Variants in CHMP2A observed in about 807,000 individuals in gnomAD.
The protein encoded by CHMP2A is charged multivesicular body protein 2A, also known as VPS2 homolog A.
CHMP2A carries 6 observed loss-of-function variants against 21.8 expected under a neutral mutation model. That is an observed-to-expected ratio of 0.28 (90% CI 0.15 to 0.54). The LOEUF (loss-of-function observed/expected upper bound fraction) is 0.54, where lower values mean the gene tolerates loss of function less well. CHMP2A is among the 20% of genes least tolerant of loss of function. The pLI is 0.95. For missense variants in CHMP2A, 303 were observed against 293.9 expected, an observed-to-expected ratio of 1.03 and a Z score of -0.23; for synonymous variants, 125 against 107.0, an observed-to-expected ratio of 1.17 and a Z score of -1.04.
chr19:58,554,479 A>G, intron 1 of CHMP2A: 2 of 465,950 alleles, frequency 4.3e-6, no homozygotes, highest in South Asian at 2.9e-5. Context: ...GCCATGCCCC[A>G]AAAGAAGTTA....
rs1273522790 is a variant in CHMP2A, at chr19:58,552,263, CTGTT to C, written c.340_343del (p.Asn114AspfsTer3). On this transcript the variant is annotated frameshift_variant, in exon 3 of 6. Coordinates refer to ENST00000312547, the MANE Select transcript of CHMP2A (RefSeq NM_014453.4). LOFTEE classifies it high-confidence loss of function. ...GGGGGATTGGGAAAAGCGCACCTGT[CTGTT>C]CATGGTGCCCATGGCCTTGGTGACA... 6 of 1,614,214 alleles carry C rather than the reference CTGTT, an allele frequency of 3.7e-6. No homozygotes were observed. The highest frequency in any genetic ancestry group is 4.2e-6 in the Non-Finnish European group (5 of 1,180,040).
Position 58,552,317 on chromosome 19 carries a change from T to G in CHMP2A, c.290A>C (p.Asn97Thr). ...SLKIQTLKSNNSMAQAMKGVT... is the reference protein window; with the variant it reads ...SLKIQTLKSNTSMAQAMKGVT... ...ACCCTTCATGGCTTGTGCCATCGAG[T>G]TGTTGGACTTGAGTGTCTGGATCTT... The change falls in exon 3 of 6, where the codon AAC becomes ACC. Residue 97 changes from asparagine to threonine, a missense_variant. Coordinates refer to ENST00000312547, the MANE Select transcript of CHMP2A (RefSeq NM_014453.4). The G allele has an allele frequency of 6.2e-7, 1 of 1,614,114 alleles. No individual in the cohort carries two copies. The highest frequency in any genetic ancestry group is 8.5e-7 in the Non-Finnish European group (1 of 1,180,026).
chr19:58,553,007 G>A (rs1373133782), intron 2 of CHMP2A, among the ~76,000 whole-genome samples: 4 of 151,314 alleles, frequency 2.6e-5, no homozygotes, highest in South Asian at 2.1e-4. Context: ...TCTCCCTACT[G>A]GTTCCGGCTG....
rs1600088916 is a variant in CHMP2A at position 58,553,920 on chromosome 19, C to G, written c.168+125G>C. 2.4e-6 allele frequency: 3 copies of G among 1,263,536 alleles called. No homozygotes were observed. In the East Asian group the frequency reaches 6.9e-5, roughly 29 times the overall value. The allele number at this position is 1,263,536 out of a possible 1,614,324, so 78.3% of individuals were successfully genotyped here. On this transcript the variant is annotated intron_variant, in intron 2 of 5. Coordinates refer to ENST00000312547, the MANE Select transcript of CHMP2A (RefSeq NM_014453.4). ...CTTCCAGACCCTCAAACTAGGGAAG[C>G]CCTGCTGACCTTTCACTCCACTCGT...
intron 2 of CHMP2A, 148 bp from the exon 3 acceptor site, chr19:58,552,586 G>A (rs1208117783): frequency 2.6e-6 from 2 of 762,310 alleles, no homozygotes; most frequent in Non-Finnish European, 4.2e-6. Flanking sequence ...AATGGTCACT[G>A]GTCCCTCCCT....
Position 58,551,644 on chromosome 19 carries a change from G to T in CHMP2A, c.*5C>A, listed in dbSNP as rs1462016348. The T allele has an allele frequency of 6.2e-7, 1 of 1,613,110 alleles. No homozygotes were observed. Among genetic ancestry groups the T allele is most frequent in the African/African-American group, 1.3e-5 (1 of 75,000 alleles). On this transcript the variant is annotated 3_prime_UTR_variant, in exon 6 of 6. Coordinates refer to ENST00000312547, the MANE Select transcript of CHMP2A (RefSeq NM_014453.4). The stretch of plus-strand genomic sequence containing the variant: ...CCACTGGTTATCTCGGAGTGGCAGG[G>T]GCACTCAGTCCCTCCGCAGGTTCTT...
At chr19:58,553,974 T>C in intron 2 of CHMP2A, 71 bp downstream of exon 2, 3 of 1,580,724 alleles carry the variant, frequency 1.9e-6, no homozygotes, top group Middle Eastern at 3.3e-4. Flanking sequence ...GTTTGGTGTC[T>C]GGTCTCTCTT....
intron 1 of CHMP2A, chr19:58,554,497 C>G (rs2053869975): frequency 2.3e-6 from 1 of 428,194 alleles, no homozygotes; most frequent in Admixed American, 4.2e-5. Context: ...TTATGGCTTG[C>G]AAGTTCAGCT....
intron 2 of CHMP2A, 124 bp downstream of exon 2, chr19:58,553,921 C>T: frequency 4.7e-6 from 6 of 1,275,092 alleles, no homozygotes; most frequent in Non-Finnish European, 5.6e-6. Flanking sequence ...CTAGGGAAGC[C>T]CTGCTGACCT....
chr19:58,552,369 G>A lies in CHMP2A; in HGVS notation c.238C>T (p.Arg80Trp), dbSNP rs146786448. 5.0e-6 allele frequency: 8 copies of A among 1,614,188 alleles called. No individual in the cohort carries two copies. The highest frequency in any genetic ancestry group is 1.7e-5 in the Admixed American group (1 of 60,028). ...RRYVRKFVLM[R>W]ANIQAVSLKI... ...AGGGACACAGCCTGGATGTTGGCCCGCATCAATACAAACTTGCGCACATAG... is the reference window on the plus strand; with the variant it reads ...AGGGACACAGCCTGGATGTTGGCCCACATCAATACAAACTTGCGCACATAG... The change falls in exon 3 of 6, where the codon CGG (arginine) becomes TGG (tryptophan). Residue 80 changes from arginine to tryptophan, a missense_variant. Transcript: ENST00000312547.
chr19:58,554,415 G>T, intron 1 of CHMP2A, 179 bp from the exon 2 acceptor site: 1 of 578,292 alleles, frequency 1.7e-6, no homozygotes, highest in Non-Finnish European at 3.0e-6. Context: ...CACATAAAGG[G>T]GGACAGGTAG....
chr19:58,554,038 C>G lies in CHMP2A; in HGVS notation c.168+7G>C. On this transcript the variant is annotated splice_region_variant and intron_variant, in intron 2 of 5. Transcript: ENST00000312547. ...TGACAGCAACCTGCCCGACCACCCA[C>G]ACTCACCATCTGGCCTTGCTTGGCC... The G allele has an allele frequency of 6.2e-7, 1 of 1,613,452 alleles. No homozygotes were observed. Among genetic ancestry groups the G allele is most frequent in the South Asian group, 1.1e-5 (1 of 91,084 alleles).
chr19:58,552,956 A>C (rs1296369151), intron 2 of CHMP2A, among the ~76,000 whole-genome samples: 1 of 152,158 alleles, frequency 6.6e-6, no homozygotes, highest in Non-Finnish European at 1.5e-5. Context: ...GTTCAGGCCA[A>C]AACCCTCTCA....
chr19:58,553,908 A>T (rs969258980), intron 2 of CHMP2A, 137 bp downstream of exon 2: 1 of 1,158,332 alleles, frequency 8.6e-7, no homozygotes, highest in African/African-American at 1.5e-5. Flanking sequence ...CCAGACCCTC[A>T]AACTAGGGAA....
chr19:58,553,503 C>T (rs1444862860), intron 2 of CHMP2A, among the ~76,000 whole-genome samples: 1 of 151,536 alleles, frequency 6.6e-6, no homozygotes, highest in Non-Finnish European at 1.5e-5. Context: ...TGCTGAGTAG[C>T]TGGGATTACA....
At position 58,551,787 on chromosome 19, in the gene CHMP2A, AGT is replaced by A. The variant is rs2053828789; in HGVS notation, c.542-13_542-12del. 3 of 1,614,054 alleles carry A rather than the reference AGT, an allele frequency of 1.9e-6. No homozygotes were observed. Among genetic ancestry groups the A allele is most frequent in the African/African-American group, 1.3e-5 (1 of 75,024 alleles). On this transcript the variant is annotated splice_polypyrimidine_tract_variant and intron_variant, in intron 5 of 5. Coordinates refer to ENST00000312547, the MANE Select transcript of CHMP2A (RefSeq NM_014453.4). Reference sequence around the variant, plus strand: ...CAGTTGAGGGGAGGTCTGCAGAGAAAGTGGGGGTTTGAGCAGGTGGGGTCAGG... The same window carrying A: ...CAGTTGAGGGGAGGTCTGCAGAGAAAGGGGGTTTGAGCAGGTGGGGTCAGG...
At chr19:58,553,401 C>T (rs562375707) in intron 2 of CHMP2A, among the ~76,000 whole-genome samples, 10 of 126,614 alleles carry the variant, frequency 7.9e-5, no homozygotes, top group East Asian at 2.5e-4. Context: ...GACAGAGTCT[C>T]GCTCTGTCAC....
rs1383450597 is a variant in CHMP2A at position 58,552,134 on chromosome 19, C to T, written c.400G>A (p.Glu134Lys). The T allele has an allele frequency of 6.2e-7, 1 of 1,614,242 alleles. No homozygotes were observed. The highest frequency in any genetic ancestry group is 1.7e-5 in the Admixed American group (1 of 60,030). ...KIMMEFERQA[E>K]IMDMKEEMMN... The stretch of plus-strand genomic sequence containing the variant: ...ATCTCCTCCTTCATATCCATGATCT[C>T]TGCCTGCCGCTCAAACTCCATCATG... The change falls in exon 4 of 6, where the codon GAG becomes AAG. Residue 134 changes from glutamate (E) to lysine (K), a missense_variant. Glu to Lys is a moderately conservative substitution (Grantham distance 56). Transcript: ENST00000312547.
chr19:58,552,595 C>T lies in CHMP2A; in HGVS notation c.169-157G>A, dbSNP rs116228356. ...TAACCCAATGGTCACTGGTCCCTCC[C>T]TCCTTCTGACCTAACCCTCCTCTGC... On this transcript the variant is annotated intron_variant, in intron 2 of 5. Transcript: ENST00000312547. Among the ~76,000 whole-genome samples the T allele has an allele frequency of 7.4e-3, 1,130 of 152,290 alleles. 14 individuals are homozygous for T. Among genetic ancestry groups the T allele is most frequent in the African/African-American group, 0.025 (1,045 of 41,566 alleles).
Sources: gnomAD v4.1 joint callset for allele counts (sites outside exome capture counted in the v4.1 genomes callset) on GRCh38, gnomAD v4.1.1 for gene constraint, MANE v1.5 for transcripts, NCBI Gene and HGNC (gene_info 2026-07-23, HGNC 2026-07-21) for gene names.